SCTR: variants seen among roughly 807,000 people sequenced by gnomAD.
SCTR encodes the protein pancreatic secretin receptor.
A neutral mutation model predicts 60.8 loss-of-function variants in SCTR; 56 were observed. The ratio of observed to expected loss-of-function variants is 0.92; its 90% CI spans 0.74 to 1.15. SCTR has a LOEUF of 1.15. Ranked by LOEUF, SCTR falls within the 50% of genes most tolerant of loss-of-function variation. The pLI is 0.00. For synonymous variants in SCTR, 202 were observed against 217.0 expected, an observed-to-expected ratio of 0.93 and a Z score of 0.61; for missense variants, 562 against 550.4, an observed-to-expected ratio of 1.02 and a Z score of -0.21.
At chr2:119,468,082 G>A (rs1487630590) in intron 4 of SCTR, among the ~76,000 whole-genome samples, 1 of 152,142 alleles carries the variant, frequency 6.6e-6, no homozygotes, top group Non-Finnish European at 1.5e-5. Flanking sequence ...CATACAGAGA[G>A]ACAAGATTGT....
intron 11 of SCTR, among the ~76,000 whole-genome samples, chr2:119,444,259 GAATATATACATATATACA>G (rs769429226): frequency 0.036 from 3,130 of 86,872 alleles, 89 homozygotes; most frequent in Non-Finnish European, 0.056. Flanking sequence ...ATATACATAT[GAATATATACATATATACA>G]TATGAATATA....
In SCTR at chr2:119,453,292, A is replaced by G. The variant is rs770333070; in HGVS notation, c.846T>C (p.Asp282=). ...TCCTCCTTCCGTTAGCTTACCCAAC[A>G]TCTTCCAGAAAGTGTCTGGCAATAG... The part of the protein sequence containing the change: ...LWAIARHFLE[D]VGCWDINANA... The change falls in exon 8 of 13, where the codon GAT becomes GAC. Residue 282 remains aspartate, a synonymous_variant. Transcript: ENST00000019103. The G allele has an allele frequency of 3.1e-6, 5 of 1,611,370 alleles. No homozygotes were observed. In the South Asian group the frequency reaches 3.3e-5, roughly 11 times the overall value.
intron 2 of SCTR, among the ~76,000 whole-genome samples, chr2:119,487,823 C>G (rs1444888573): frequency 2.0e-5 from 3 of 152,070 alleles, no homozygotes; most frequent in African/African-American, 7.3e-5. Context: ...TTTCCTGTGA[C>G]TGGTCTGGCG....
intron 3 of SCTR, among the ~76,000 whole-genome samples, chr2:119,475,370 G>A (rs903993714): frequency 1.3e-5 from 2 of 152,154 alleles, no homozygotes; most frequent in African/African-American, 2.4e-5. Flanking sequence ...AGGCCTGCCC[G>A]TTTGGGGCCC....
At chr2:119,484,449 AT>A (rs1228749556) in intron 2 of SCTR, among the ~76,000 whole-genome samples, 2 of 152,098 alleles carry the variant, frequency 1.3e-5, no homozygotes, top group Non-Finnish European at 2.9e-5. Flanking sequence ...GGAGGACAGC[AT>A]GGGATACCAG....
chr2:119,511,064 G>A (rs1481705062), intron 1 of SCTR, among the ~76,000 whole-genome samples: 6 of 151,980 alleles, frequency 3.9e-5, no homozygotes, highest in African/African-American at 9.7e-5. Flanking sequence ...TTAGCCAGGC[G>A]TGATGGCGAG....
At chr2:119,493,734 C>T (rs1481943372) in intron 2 of SCTR, among the ~76,000 whole-genome samples, 2 of 151,606 alleles carry the variant, frequency 1.3e-5, no homozygotes, top group Non-Finnish European at 2.9e-5. Flanking sequence ...CTCTGCATCC[C>T]GGGTTCAAGC....
In SCTR at chr2:119,461,831, C is replaced by CCAGG. The variant is rs772285658; in HGVS notation, c.790+12_790+15dup. 47 of 1,604,908 alleles carry CCAGG rather than the reference C, an allele frequency of 2.9e-5. 1 individual carries two copies. The Middle Eastern group carries it at 8.3e-4, about 28-fold the overall frequency. ...CCCACATACCATGCAGATATCAGAC[C>CCAGG]CAGGGAGAAACATACCCCATCCGAA... On this transcript the variant is annotated intron_variant, in intron 7 of 12. Transcript: ENST00000019103.
intron 1 of SCTR, among the ~76,000 whole-genome samples, chr2:119,517,166 T>C (rs191804876): frequency 7.0e-6 from 1 of 142,786 alleles, no homozygotes; most frequent in African/African-American, 2.6e-5. Flanking sequence ...CTTTAAGTGC[T>C]TTTTTTTTTT....
chr2:119,473,420 C>T, intron 4 of SCTR, 33 bp downstream of exon 4: 1 of 1,490,504 alleles, frequency 6.7e-7, no homozygotes, highest in East Asian at 2.3e-5. Context: ...GTTCCTGTCC[C>T]CGGGTTCGTG....
intron 1 of SCTR, among the ~76,000 whole-genome samples, chr2:119,511,597 GT>G (rs1450100676): frequency 3.9e-5 from 6 of 152,004 alleles, no homozygotes; most frequent in Admixed American, 3.9e-4. Context: ...AGTCCTATTG[GT>G]TTTTCCTCCG....
chr2:119,523,435 TA>T (rs1679352758), intron 1 of SCTR, among the ~76,000 whole-genome samples: 1 of 147,152 alleles, frequency 6.8e-6, no homozygotes, highest in African/African-American at 2.5e-5. Flanking sequence ...TTATTATTAT[TA>T]TTATTTTCCT....
At chr2:119,504,691 CATG>C (rs1211160101) in intron 1 of SCTR, among the ~76,000 whole-genome samples, 1 of 152,062 alleles carries the variant, frequency 6.6e-6, no homozygotes, top group African/African-American at 2.4e-5. Context: ...GCACCAAAAG[CATG>C]ATCCATATAA....
At chr2:119,441,486 G>A in intron 12 of SCTR, 72 bp downstream of exon 12, 1 of 1,235,048 alleles carries the variant, frequency 8.1e-7, no homozygotes, top group Non-Finnish European at 1.2e-6. Context: ...CCCCTCCCAG[G>A]TAGCTCCTTC....
At chr2:119,491,372 G>A (rs1678120898) in intron 2 of SCTR, among the ~76,000 whole-genome samples, 1 of 152,204 alleles carries the variant, frequency 6.6e-6, no homozygotes, top group Non-Finnish European at 1.5e-5. Flanking sequence ...TCAGGCTCCG[G>A]CCTTGGCTCA....
At position 119,457,290 on chromosome 2, in the gene SCTR, A is replaced by G. The variant is rs1480196458; in HGVS notation, c.791-3943T>C. On this transcript the variant is annotated intron_variant, in intron 7 of 12. Coordinates refer to ENST00000019103, the MANE Select transcript of SCTR (RefSeq NM_002980.3). The stretch of plus-strand genomic sequence containing the variant: ...AAAAGTTAATAAGATTGAAAGTAAA[A>G]TTATTGTACACCACTTGTCTCAGTG... Among the ~76,000 whole-genome samples the G allele has an allele frequency of 2.0e-5, 3 of 152,342 alleles. No individual in the cohort carries two copies. In the East Asian group the frequency reaches 5.8e-4, roughly 29 times the overall value.
chr2:119,442,459 ACTC>A (rs1048116688), intron 11 of SCTR, among the ~76,000 whole-genome samples: 8 of 151,850 alleles, frequency 5.3e-5, no homozygotes, highest in African/African-American at 1.9e-4. Context: ...AGATGGCCCA[ACTC>A]CTCCTCCCTA....
chr2:119,478,909 C>G lies in SCTR; in HGVS notation c.203G>C (p.Gly68Ala), dbSNP rs1250397511. ...GTEQPVPGCEGMWDNISCWPS... is the reference protein window; with the variant it reads ...GTEQPVPGCEAMWDNISCWPS... ...CCAGCAGCTTATGTTGTCCCACATCCCCTCACAACCTGCCAAGAAAAGCAG... is the reference window on the plus strand; with the variant it reads ...CCAGCAGCTTATGTTGTCCCACATCGCCTCACAACCTGCCAAGAAAAGCAG... Residue 68 changes from glycine to alanine, a missense_variant, in exon 3 of 13, where the codon GGG becomes GCG. Physicochemically the swap from Gly to Ala is moderately conservative, Grantham distance 60. Coordinates refer to ENST00000019103, the MANE Select transcript of SCTR (RefSeq NM_002980.3). 1 of 1,614,166 alleles carries G rather than the reference C, an allele frequency of 6.2e-7. No homozygotes were observed. The highest frequency in any genetic ancestry group is 8.5e-7 in the Non-Finnish European group (1 of 1,180,008).
At chr2:119,441,154 C>A (rs1015262664) in intron 12 of SCTR, among the ~76,000 whole-genome samples, 2 of 152,164 alleles carry the variant, frequency 1.3e-5, no homozygotes, top group Non-Finnish European at 2.9e-5. Context: ...GACTGAGGCC[C>A]AGAACAGGGC....
Sources: gnomAD v4.1 joint callset for allele counts (sites outside exome capture counted in the v4.1 genomes callset) on GRCh38, gnomAD v4.1.1 for gene constraint, MANE v1.5 for transcripts, NCBI Gene and HGNC (gene_info 2026-07-23, HGNC 2026-07-21) for gene names.